Variants in XYLT1 observed in about 807,000 individuals in gnomAD.
XYLT1 encodes xylosyltransferase 1.
A neutral mutation model predicts 91.3 loss-of-function variants in XYLT1; 36 were observed. The ratio of observed to expected loss-of-function variants is 0.39; its 90% CI spans 0.30 to 0.52. XYLT1 has a LOEUF of 0.52. Ranked by LOEUF, XYLT1 falls within the 20% of genes least tolerant of loss-of-function variation. The probability of loss-of-function intolerance (pLI) is 0.68; values close to 1 mark genes in which losing one functional copy is unlikely to be tolerated. For missense variants in XYLT1, 1,242 were observed against 1,284.5 expected (o/e 0.97, Z 0.51); for synonymous variants, 588 against 532.0 (o/e 1.11, Z -1.45).
At chr16:17,248,152 T>C (rs531533934) in intron 3 of XYLT1, among the ~76,000 whole-genome samples, 15 of 152,314 alleles carry the variant, frequency 9.8e-5, no homozygotes, top group African/African-American at 3.6e-4. Flanking sequence ...GTTCTCGTGA[T>C]AGTGAATAAG....
intron 2 of XYLT1, among the ~76,000 whole-genome samples, chr16:17,279,076 T>C (rs986032701): frequency 6.6e-6 from 1 of 152,182 alleles, no homozygotes; most frequent in Non-Finnish European, 1.5e-5. Flanking sequence ...CCCTCCCTAA[T>C]GCACCTTTCA....
intron 3 of XYLT1, among the ~76,000 whole-genome samples, chr16:17,236,154 C>T (rs2033245214): frequency 6.6e-6 from 1 of 152,176 alleles, no homozygotes; most frequent in East Asian, 1.9e-4. Context: ...GTTGCTAGAT[C>T]TTTCCATTTA....
intron 2 of XYLT1, among the ~76,000 whole-genome samples, chr16:17,286,041 C>T (rs1596465863): frequency 1.3e-5 from 2 of 152,084 alleles, no homozygotes; most frequent in South Asian, 2.1e-4. Flanking sequence ...TCTGGGCCCA[C>T]GTGCCTCTCT....
At chr16:17,337,335 A>G (rs2034995663) in intron 2 of XYLT1, among the ~76,000 whole-genome samples, 1 of 152,118 alleles carries the variant, frequency 6.6e-6, no homozygotes, top group Non-Finnish European at 1.5e-5. Flanking sequence ...CTATAAGCAC[A>G]TGCCACCACA....
intron 6 of XYLT1, among the ~76,000 whole-genome samples, chr16:17,149,517 C>T (rs536478425): frequency 6.6e-6 from 1 of 152,284 alleles, no homozygotes; most frequent in South Asian, 2.1e-4. Flanking sequence ...ACTCCTTCAG[C>T]ATAAGTACAA....
intron 2 of XYLT1, among the ~76,000 whole-genome samples, chr16:17,306,819 T>C (rs1013744013): frequency 6.6e-6 from 1 of 152,144 alleles, no homozygotes; most frequent in Non-Finnish European, 1.5e-5. Flanking sequence ...TGAATGTCCT[T>C]ACATTCATGA....
intron 1 of XYLT1, among the ~76,000 whole-genome samples, chr16:17,400,629 G>GAGGAAGGAAGGAAGGAAGGA (rs139881259): frequency 1.8e-4 from 24 of 132,628 alleles, no homozygotes; most frequent in Admixed American, 3.2e-4. Flanking sequence ...GGGAGGAAGG[G>GAGGAAGGAAGGAAGGAAGGA]AGGAAGGAAG....
chr16:17,282,737 G>C (rs1291210286), intron 2 of XYLT1, among the ~76,000 whole-genome samples: 1 of 152,230 alleles, frequency 6.6e-6, no homozygotes, highest in East Asian at 1.9e-4. Flanking sequence ...AGCTATTTTA[G>C]GGACGAAGTG....
chr16:17,465,329 C>T (rs1329116977), intron 1 of XYLT1, among the ~76,000 whole-genome samples: 1 of 151,984 alleles, frequency 6.6e-6, no homozygotes, highest in Non-Finnish European at 1.5e-5. Context: ...CAAGCAGCTT[C>T]ACTTCTTTGA....
rs376230146 is a variant in XYLT1, at chr16:17,368,392, T to C, written c.364-10342A>G. On this transcript the variant is annotated intron_variant, in intron 1 of 11. Transcript: ENST00000261381. ...CCTCTAATATTTCTTAATGAAACGA[T>C]AGTGACAATGAAGATGACAGCCTTG... Among the ~76,000 whole-genome samples the C allele has an allele frequency of 4.6e-5, 7 of 152,036 alleles. No homozygotes were observed. The East Asian group carries it at 7.7e-4, about 17-fold the overall frequency.
At chr16:17,184,713 T>A (rs114566149) in intron 5 of XYLT1, among the ~76,000 whole-genome samples, 268 of 152,284 alleles carry the variant, frequency 1.8e-3, no homozygotes, top group African/African-American at 6.2e-3. Context: ...GTCTAGAGCA[T>A]TGCCTAATAT....
chr16:17,408,261 G>C (rs1169121105), intron 1 of XYLT1, among the ~76,000 whole-genome samples: 1 of 152,186 alleles, frequency 6.6e-6, no homozygotes, highest in Non-Finnish European at 1.5e-5. Context: ...TGCATGCTAA[G>C]TAAGTGCAGT....
chr16:17,373,135 A>G (rs1336085442), intron 1 of XYLT1, among the ~76,000 whole-genome samples: 1 of 152,114 alleles, frequency 6.6e-6, no homozygotes, highest in Non-Finnish European at 1.5e-5. Flanking sequence ...GGATCATCCA[A>G]TATTATTTTT....
intron 1 of XYLT1, among the ~76,000 whole-genome samples, chr16:17,373,092 A>G (rs2035556708): frequency 6.6e-6 from 1 of 152,124 alleles, no homozygotes; most frequent in Non-Finnish European, 1.5e-5. Flanking sequence ...TTGCCCTGCT[A>G]TCTCATTAGC....
chr16:17,233,418 GA>G (rs2033198078), intron 3 of XYLT1, among the ~76,000 whole-genome samples: 1 of 152,238 alleles, frequency 6.6e-6, no homozygotes, highest in Admixed American at 6.5e-5. Flanking sequence ...GCTAGTGATG[GA>G]GACTTCTGAC....
chr16:17,220,726 G>A (rs1036254835), intron 3 of XYLT1, among the ~76,000 whole-genome samples: 20 of 152,208 alleles, frequency 1.3e-4, no homozygotes, highest in African/African-American at 4.8e-4. Context: ...ACCCGCCTCG[G>A]CCTCTCAAAG....
chr16:17,323,604 C>T (rs1291977231), intron 2 of XYLT1, among the ~76,000 whole-genome samples: 1 of 152,216 alleles, frequency 6.6e-6, no homozygotes, highest in African/African-American at 2.4e-5. Flanking sequence ...TCACGGTTCA[C>T]TTTATTCCCA....
chr16:17,206,723 G>A (rs751480088), intron 3 of XYLT1, among the ~76,000 whole-genome samples: 6 of 152,124 alleles, frequency 3.9e-5, no homozygotes, highest in Non-Finnish European at 8.8e-5. Context: ...GTGACAGAGT[G>A]AGACCCTGTC....
intron 3 of XYLT1, among the ~76,000 whole-genome samples, chr16:17,234,095 C>G (rs1261046861): frequency 6.6e-6 from 1 of 152,184 alleles, no homozygotes; most frequent in East Asian, 1.9e-4. Context: ...TGGAGTGATT[C>G]TCATAACTGG....
Sources: gnomAD v4.1 joint callset for allele counts (sites outside exome capture counted in the v4.1 genomes callset) on GRCh38, gnomAD v4.1.1 for gene constraint, MANE v1.5 for transcripts, NCBI Gene and HGNC (gene_info 2026-07-23, HGNC 2026-07-21) for gene names.